The following CAMTA1 variants were observed in gnomAD, a reference collection of about 807,000 sequenced individuals.
CAMTA1 encodes calmodulin-binding transcription activator 1.
In CAMTA1, 27 loss-of-function variants were observed where a neutral mutation model predicts 170.9. The observed-to-expected ratio is 0.16, with a 90% CI of 0.12 to 0.22. CAMTA1 has a LOEUF of 0.22. CAMTA1 is among the 10% of genes least tolerant of loss of function. CAMTA1 has a pLI of 1.00. For missense variants in CAMTA1, 1,619 were observed against 2,217.2 expected, an observed-to-expected ratio of 0.73 and a Z score of 5.42; for synonymous variants, 833 against 891.5, an observed-to-expected ratio of 0.93 and a Z score of 1.17.
intron 4 of CAMTA1, among the ~76,000 whole-genome samples, chr1:7,239,940 A>G (rs1232248522): frequency 6.6e-6 from 1 of 152,144 alleles, no homozygotes. Flanking sequence ...CACTCCTGTA[A>G]TAACTAACTC....
intron 3 of CAMTA1, among the ~76,000 whole-genome samples, chr1:6,949,575 C>T (rs1688126542): frequency 6.6e-6 from 1 of 152,210 alleles, no homozygotes; most frequent in Non-Finnish European, 1.5e-5. Context: ...AGGAAATTCA[C>T]CCATCCAATC....
At chr1:7,559,226 G>A (rs898047413) in intron 6 of CAMTA1, among the ~76,000 whole-genome samples, 1 of 152,132 alleles carries the variant, frequency 6.6e-6, no homozygotes, top group African/African-American at 2.4e-5. Context: ...AGCCTCCCAC[G>A]CACCCCAGAC....
intron 1 of CAMTA1, among the ~76,000 whole-genome samples, chr1:6,811,690 G>A (rs376359338): frequency 3.3e-5 from 5 of 152,318 alleles, no homozygotes; most frequent in African/African-American, 7.2e-5. Flanking sequence ...TCTCACAGTG[G>A]AGTACATAAG....
intron 5 of CAMTA1, among the ~76,000 whole-genome samples, chr1:7,354,723 C>T (rs1019768855): frequency 6.6e-6 from 1 of 152,186 alleles, no homozygotes. Context: ...ACCTCACCAG[C>T]ATCTGTTATG....
chr1:7,453,346 C>A (rs2092875231), intron 5 of CAMTA1, among the ~76,000 whole-genome samples: 1 of 152,194 alleles, frequency 6.6e-6, no homozygotes, highest in African/African-American at 2.4e-5. Flanking sequence ...TCATTATCTG[C>A]AGAGTCAGGG....
Position 6,948,378 on chromosome 1 carries a change from C to T in CAMTA1, c.234+123168C>T, listed in dbSNP as rs80303628. 1.2e-3 allele frequency among the ~76,000 whole-genome samples: 185 copies of T among 152,288 alleles called. 4 individuals are homozygous for T. In the East Asian group the frequency reaches 0.027, roughly 22 times the overall value. ...TAGCACTAAGCTCCTCTCTGTGTACCGGCTGCTTCCCATATGTACATGCGT... is the reference window on the plus strand; with the variant it reads ...TAGCACTAAGCTCCTCTCTGTGTACTGGCTGCTTCCCATATGTACATGCGT... On this transcript the variant is annotated intron_variant, in intron 3 of 22. Coordinates refer to ENST00000303635, the MANE Select transcript of CAMTA1 (RefSeq NM_015215.4).
chr1:6,933,283 C>CT (rs986856455), intron 3 of CAMTA1, among the ~76,000 whole-genome samples: 66 of 148,762 alleles, frequency 4.4e-4, no homozygotes, highest in African/African-American at 6.9e-4. Flanking sequence ...GTTTTCGTTT[C>CT]TTTTTTTTTT....
At chr1:7,698,129 G>C (rs933670088) in intron 11 of CAMTA1, among the ~76,000 whole-genome samples, 10 of 144,010 alleles carry the variant, frequency 6.9e-5, no homozygotes, top group Admixed American at 1.4e-4. Flanking sequence ...CAGCAACAAC[G>C]GATTTGGATT....
At chr1:7,529,694 A>G (rs2094469760) in intron 6 of CAMTA1, among the ~76,000 whole-genome samples, 1 of 152,160 alleles carries the variant, frequency 6.6e-6, no homozygotes, top group Admixed American at 6.5e-5. Flanking sequence ...TCTGCTGGCT[A>G]CAAGCTCTTG....
chr1:7,073,786 G>T (rs537471814), intron 3 of CAMTA1, among the ~76,000 whole-genome samples: 1 of 152,266 alleles, frequency 6.6e-6, no homozygotes, highest in East Asian at 1.9e-4. Flanking sequence ...GAATGGGCTT[G>T]GGAGAGAATG....
chr1:7,294,900 C>A (rs763738833), intron 5 of CAMTA1, among the ~76,000 whole-genome samples: 1 of 152,158 alleles, frequency 6.6e-6, no homozygotes, highest in Non-Finnish European at 1.5e-5. Context: ...CTGGTCCTCT[C>A]GCATCTGCCC....
intron 4 of CAMTA1, among the ~76,000 whole-genome samples, chr1:7,121,346 G>A (rs1387363296): frequency 6.6e-6 from 1 of 152,208 alleles, no homozygotes; most frequent in Non-Finnish European, 1.5e-5. Context: ...TAAAAAATAA[G>A]TTACAATTTC....
intron 6 of CAMTA1, among the ~76,000 whole-genome samples, chr1:7,472,964 C>A (rs1346197432): frequency 1.3e-5 from 2 of 152,198 alleles, no homozygotes; most frequent in Non-Finnish European, 2.9e-5. Flanking sequence ...GACTCACCAC[C>A]CCCCAGGAGA....
intron 4 of CAMTA1, among the ~76,000 whole-genome samples, chr1:7,179,039 G>C (rs1373124794): frequency 1.3e-5 from 2 of 152,178 alleles, no homozygotes; most frequent in Non-Finnish European, 2.9e-5. Flanking sequence ...AGGAACACCA[G>C]TACCAACATC....
chr1:7,637,103 G>T (rs1439558856), intron 6 of CAMTA1, among the ~76,000 whole-genome samples: 1 of 152,230 alleles, frequency 6.6e-6, no homozygotes, highest in African/African-American at 2.4e-5. Flanking sequence ...AGCTTTTGGG[G>T]TGCTCTCATG....
rs1405763522 is a variant in CAMTA1 at position 7,230,440 on chromosome 1, C to G, written c.303-19051C>G. On this transcript the variant is annotated intron_variant, in intron 4 of 22. Coordinates refer to ENST00000303635, the MANE Select transcript of CAMTA1 (RefSeq NM_015215.4). Reference sequence around the variant, plus strand: ...GCTGCTGCTCTGGGCTGACCCCCCCCCCCCGCCCCGCAAAGCTCTGTGGAA... The same window carrying G: ...GCTGCTGCTCTGGGCTGACCCCCCCGCCCCGCCCCGCAAAGCTCTGTGGAA... Among the ~76,000 whole-genome samples the G allele has an allele frequency of 4.9e-4, 42 of 85,504 alleles. 6 individuals are homozygous for G. Among genetic ancestry groups the G allele is most frequent in the African/African-American group, 1.6e-3 (29 of 18,536 alleles). 56.1% of individuals were successfully genotyped at this position (85,504 alleles called of 152,430 possible).
Position 7,606,001 on chromosome 1 carries a change from G to A in CAMTA1, c.511-34399G>A, listed in dbSNP as rs187251133. Reference sequence around the variant, plus strand: ...GCTCCATCCCTGCCCTCCTGCCCTCGGGGGAGCTTGTAGAAGGCTTCATCT... The same window carrying A: ...GCTCCATCCCTGCCCTCCTGCCCTCAGGGGAGCTTGTAGAAGGCTTCATCT... On this transcript the variant is annotated intron_variant, in intron 6 of 22. Transcript: ENST00000303635. 6.7e-4 allele frequency among the ~76,000 whole-genome samples: 102 copies of A among 152,222 alleles called. 1 individual carries two copies. The highest frequency in any genetic ancestry group is 2.3e-3 in the African/African-American group (96 of 41,520).
intron 3 of CAMTA1, among the ~76,000 whole-genome samples, chr1:6,964,188 G>A (rs1380247579): frequency 6.6e-6 from 1 of 152,018 alleles, no homozygotes; most frequent in Non-Finnish European, 1.5e-5. Context: ...GTTCATGTAG[G>A]AGTGCAGGGG....
chr1:7,256,638 G>A (rs938459309), intron 5 of CAMTA1, among the ~76,000 whole-genome samples: 1 of 152,210 alleles, frequency 6.6e-6, no homozygotes, highest in Non-Finnish European at 1.5e-5. Context: ...GCCTGGCAGG[G>A]TGCTGGTTTT....
Sources: gnomAD v4.1 joint callset for allele counts (sites outside exome capture counted in the v4.1 genomes callset) on GRCh38, gnomAD v4.1.1 for gene constraint, MANE v1.5 for transcripts, NCBI Gene and HGNC (gene_info 2026-07-23, HGNC 2026-07-21) for gene names.